The following ASH1L variants were observed in gnomAD, a reference collection of about 807,000 sequenced individuals.
The protein encoded by ASH1L is histone-lysine N-methyltransferase ASH1L.
In ASH1L, 23 loss-of-function variants were observed where a neutral mutation model predicts 269.0. That is an observed-to-expected ratio of 0.09 (90% CI 0.06 to 0.12). The LOEUF is 0.12. ASH1L is among the 10% of genes least tolerant of loss of function. The pLI is 1.00. For synonymous variants in ASH1L, 1,187 were observed against 1,253.5 expected (o/e 0.95, Z 1.12); for missense variants, 2,912 against 3,567.8 (o/e 0.82, Z 4.68).
rs774054572 is a variant in ASH1L, at chr1:155,459,903, A to T, written c.4985-5T>A. The T allele has an allele frequency of 3.8e-6, 6 of 1,572,944 alleles. No homozygotes were observed. Among genetic ancestry groups the T allele is most frequent in the Admixed American group, 2.0e-5 (1 of 49,970 alleles). On this transcript the variant is annotated splice_region_variant and splice_polypyrimidine_tract_variant and intron_variant, in intron 3 of 27. Transcript: ENST00000392403. ...TATCAGAGGTTGGCTGGGAGCCTGGAGAAAGAGAAAAAGATAGAAATCATA... is the reference window on the plus strand; with the variant it reads ...TATCAGAGGTTGGCTGGGAGCCTGGTGAAAGAGAAAAAGATAGAAATCATA...
chr1:155,420,430 AAAT>A (rs1214518747), intron 5 of ASH1L, among the ~76,000 whole-genome samples: 4 of 151,514 alleles, frequency 2.6e-5, no homozygotes, highest in African/African-American at 7.2e-5. Flanking sequence ...AAATCAAACA[AAAT>A]AATACAGAAA....
rs572100406 is a variant in ASH1L, at chr1:155,443,127, C to T, written c.5087-4059G>A. On this transcript the variant is annotated intron_variant, in intron 4 of 27. Coordinates refer to ENST00000392403, the MANE Select transcript of ASH1L (RefSeq NM_018489.3). ...ATGACCAGGACATAATTCATTAACA[C>T]GTAGTTGAAGAATGAATCCTGGGAT... Among the ~76,000 whole-genome samples the T allele has an allele frequency of 3.9e-5, 6 of 152,274 alleles. No individual in the cohort carries two copies. The South Asian group carries it at 6.2e-4, about 16-fold the overall frequency.
At position 155,366,166 on chromosome 1, in the gene ASH1L, C is replaced by T. The variant is rs569473836; in HGVS notation, c.6686+4338G>A. Among the ~76,000 whole-genome samples the T allele has an allele frequency of 7.2e-5, 11 of 152,256 alleles. No individual in the cohort carries two copies. In the South Asian group the frequency reaches 2.1e-3, roughly 29 times the overall value. On this transcript the variant is annotated intron_variant, in intron 12 of 27. Transcript: ENST00000392403. ...CTGACAAAACAGGCTGCAGTAAAGA[C>T]GCTAGCCAAAACCCATCAAAACTAA...
At position 155,400,607 on chromosome 1, in the gene ASH1L, A is replaced by G. The variant is rs73008993; in HGVS notation, c.6009-5054T>C. Among the ~76,000 whole-genome samples, 784 of 152,304 alleles carry G rather than the reference A, an allele frequency of 5.1e-3. 5 individuals are homozygous for G. The highest frequency in any genetic ancestry group is 0.018 in the African/African-American group (759 of 41,568). Reference sequence around the variant, plus strand: ...GTAACTGACGAAGCTAGGATCTGATAAATTCTATAACCACAAATGACAATT... The same window carrying G: ...GTAACTGACGAAGCTAGGATCTGATGAATTCTATAACCACAAATGACAATT... On this transcript the variant is annotated intron_variant, in intron 6 of 27. Transcript: ENST00000392403.
chr1:155,512,865 G>A (rs1668253057), intron 2 of ASH1L, among the ~76,000 whole-genome samples: 1 of 151,750 alleles, frequency 6.6e-6, no homozygotes, highest in Non-Finnish European at 1.5e-5. Context: ...TTCAAGACCA[G>A]CCTGGGCAAC....
intron 1 of ASH1L, among the ~76,000 whole-genome samples, chr1:155,555,141 C>CA (rs546459143): frequency 0.42 from 39,406 of 93,918 alleles, 6,623 homozygotes; most frequent in Middle Eastern, 0.57. Context: ...GAAACCGTCT[C>CA]AAAAAAAAAA....
At chr1:155,459,327 C>G (rs1664115724) in intron 4 of ASH1L, among the ~76,000 whole-genome samples, 1 of 152,116 alleles carries the variant, frequency 6.6e-6, no homozygotes, top group African/African-American at 2.4e-5. Context: ...TCCCAAGTAG[C>G]TGGGATTACA....
chr1:155,348,752 G>C lies in ASH1L; in HGVS notation c.7554+575C>G, dbSNP rs1456342447. On this transcript the variant is annotated intron_variant, in intron 19 of 27. Coordinates refer to ENST00000392403, the MANE Select transcript of ASH1L (RefSeq NM_018489.3). Reference sequence around the variant, plus strand: ...CAAAATTAGCCAGGCATGGTGGCAGGCGCCTATAATCCCAGCTACTCAGGA... The same window carrying C: ...CAAAATTAGCCAGGCATGGTGGCAGCCGCCTATAATCCCAGCTACTCAGGA... Among the ~76,000 whole-genome samples, 5 of 152,026 alleles carry C rather than the reference G, an allele frequency of 3.3e-5. No individual in the cohort carries two copies. The East Asian group carries it at 9.7e-4, about 29-fold the overall frequency.
Position 155,479,965 on chromosome 1 carries a change from T to C in ASH1L, c.2905A>G (p.Lys969Glu). ...MSDLEMEPDK[K>E]ITKRNNGQLM... is the part of the protein sequence containing the mutation. The stretch of plus-strand genomic sequence containing the variant: ...TGTCCATTGTTTCTCTTGGTAATTT[T>C]TTTATCTGGTTCCATCTCAAGGTCA... Residue 969 changes from lysine (K) to glutamate (E), a missense_variant, in exon 3 of 28, where the codon AAA (lysine) becomes GAA (glutamate). Physicochemically the swap from Lys to Glu is moderately conservative, Grantham distance 56 (BLOSUM62 1). Around this residue, in one of 13 missense-constraint regions of ASH1L, gnomAD observed 715 missense variants for 721.0 expected, o/e 0.99. Transcript: ENST00000392403. The C allele has an allele frequency of 6.2e-7, 1 of 1,613,712 alleles. No homozygotes were observed. The highest frequency in any genetic ancestry group is 8.5e-7 in the Non-Finnish European group (1 of 1,179,976).
At chr1:155,468,435 G>A (rs1664854635) in intron 3 of ASH1L, among the ~76,000 whole-genome samples, 1 of 151,968 alleles carries the variant, frequency 6.6e-6, no homozygotes, top group African/African-American at 2.4e-5. Flanking sequence ...GGTAAATTAA[G>A]TTCCACCTCC....
chr1:155,346,880 A>G (rs1380191162), intron 20 of ASH1L, among the ~76,000 whole-genome samples: 1 of 152,228 alleles, frequency 6.6e-6, no homozygotes, highest in Non-Finnish European at 1.5e-5. Context: ...CACTTTACAC[A>G]TAAAGTTATG....
At chr1:155,389,483 G>A (rs1657724547) in intron 7 of ASH1L, among the ~76,000 whole-genome samples, 1 of 151,946 alleles carries the variant, frequency 6.6e-6, no homozygotes, top group Admixed American at 6.6e-5. Flanking sequence ...GACCAGCCTG[G>A]GCAACATGGT....
chr1:155,375,094 G>A (rs548517853), intron 10 of ASH1L, among the ~76,000 whole-genome samples: 11 of 152,162 alleles, frequency 7.2e-5, no homozygotes, highest in Admixed American at 5.2e-4. Flanking sequence ...GATTACAGAC[G>A]TGAGCCACTG....
chr1:155,445,505 T>TA (rs1026808366), intron 4 of ASH1L, among the ~76,000 whole-genome samples: 11 of 151,070 alleles, frequency 7.3e-5, no homozygotes, highest in South Asian at 2.1e-4. Context: ...TTTTAATAAT[T>TA]AAAAAAAAAT....
chr1:155,495,120 G>A (rs1280889182), intron 2 of ASH1L, among the ~76,000 whole-genome samples: 1 of 152,186 alleles, frequency 6.6e-6, no homozygotes, highest in African/African-American at 2.4e-5. Flanking sequence ...AAACCTGGTT[G>A]AAATGGGTTT....
At chr1:155,433,625 T>C in intron 5 of ASH1L, 2 of 1,608,684 alleles carry the variant, frequency 1.2e-6, no homozygotes, top group Middle Eastern at 3.3e-4. Context: ...ACTCGAACAA[T>C]TTGCCAAGCT....
At chr1:155,386,069 A>AT (rs200039089) in intron 7 of ASH1L, among the ~76,000 whole-genome samples, 4,777 of 139,638 alleles carry the variant, frequency 0.034, 88 homozygotes, top group African/African-American at 0.044. Context: ...TCCCTTGCCC[A>AT]TTTTTTTTTT....
At chr1:155,475,891 C>T (rs546008331) in intron 3 of ASH1L, among the ~76,000 whole-genome samples, 2 of 152,242 alleles carry the variant, frequency 1.3e-5, no homozygotes, top group African/African-American at 2.4e-5. Context: ...TTTAACAACA[C>T]GTAATGTGAT....
chr1:155,423,017 G>C (rs369599353), intron 5 of ASH1L, among the ~76,000 whole-genome samples: 1 of 149,728 alleles, frequency 6.7e-6, no homozygotes, highest in Non-Finnish European at 1.5e-5. Context: ...GTGCGATCTC[G>C]GCTCTCTGTA....
Sources: allele counts gnomAD v4.1 joint callset (sites outside exome capture counted in the v4.1 genomes callset), GRCh38; gene constraint gnomAD v4.1.1; regional missense constraint gnomAD v4.1.1; transcripts MANE v1.5; gene names NCBI Gene and HGNC (gene_info 2026-07-23, HGNC 2026-07-21).